Variants in NDUFV2 observed in about 807,000 individuals in gnomAD.
NDUFV2 encodes NADH dehydrogenase [ubiquinone] flavoprotein 2, mitochondrial.
A neutral mutation model predicts 31.6 loss-of-function variants in NDUFV2; 18 were observed. That is an observed-to-expected ratio of 0.57 (90% confidence interval 0.39 to 0.84). NDUFV2 has a LOEUF of 0.84. Ranked by LOEUF, NDUFV2 falls within the 40% of genes least tolerant of loss-of-function variation. The pLI is 0.00. For missense variants in NDUFV2, 314 were observed against 303.6 expected (o/e 1.03, Z -0.26); for synonymous variants, 83 against 99.8 (o/e 0.83, Z 1.01).
At chr18:9,106,908 A>ATTCATCACATAT (rs2077844583) in intron 1 of NDUFV2, among the ~76,000 whole-genome samples, 1 of 61,632 alleles carries the variant, frequency 1.6e-5, no homozygotes, top group Non-Finnish European at 4.4e-5. Flanking sequence ...CATCACTTCG[A>ATTCATCACATAT]CCCTCCTGGC....
chr18:9,131,139 GAAAAT>G lies in NDUFV2; in HGVS notation c.657-3046_657-3042del, dbSNP rs146458048. On this transcript the variant is annotated intron_variant, in intron 7 of 7. Coordinates refer to ENST00000318388, the MANE Select transcript of NDUFV2 (RefSeq NM_021074.5). ...TATTCTTACCATAATCTAGAGAAAA[GAAAAT>G]GTTATTAAAATCATAATGAAAATAT... Among the ~76,000 whole-genome samples the G allele has an allele frequency of 1.4e-3, 220 of 152,210 alleles. 1 individual carries two copies. The highest frequency in any genetic ancestry group is 5.1e-3 in the African/African-American group (210 of 41,522).
intron 7 of NDUFV2, chr18:9,133,345 T>C: frequency 6.6e-6 from 1 of 152,434 alleles, no homozygotes; most frequent in East Asian, 1.9e-4. Context: ...AAGTCTGAGC[T>C]GGGCTCTAGA....
intron 7 of NDUFV2, among the ~76,000 whole-genome samples, chr18:9,127,798 T>A: frequency 6.6e-6 from 1 of 152,236 alleles, no homozygotes; most frequent in Middle Eastern, 3.4e-3. Flanking sequence ...AGATACATAC[T>A]GAGCAGCACA....
chr18:9,117,623 G>T (rs2077905341), intron 1 of NDUFV2: 1 of 498,768 alleles, frequency 2.0e-6, no homozygotes, highest in East Asian at 3.4e-5. Context: ...CTATTGACTC[G>T]TGTGTGTGAT....
chr18:9,132,810 G>T (rs1290794629), intron 7 of NDUFV2, among the ~76,000 whole-genome samples: 2 of 152,210 alleles, frequency 1.3e-5, no homozygotes, highest in Admixed American at 1.3e-4. Context: ...GGGAGGTTAA[G>T]ACTGCAGTGA....
chr18:9,117,816 T>A, intron 1 of NDUFV2, 22 bp from the exon 2 acceptor site: 1 of 1,472,034 alleles, frequency 6.8e-7, no homozygotes, highest in Non-Finnish European at 9.5e-7. Context: ...TTACTAAACT[T>A]TCTTAAAATT....
chr18:9,122,751 A>G, intron 5 of NDUFV2, 70 bp downstream of exon 5: 2 of 1,551,934 alleles, frequency 1.3e-6, no homozygotes, highest in Non-Finnish European at 1.8e-6. Flanking sequence ...GTACATTTCT[A>G]TCTAAAATTT....
At chr18:9,102,984 T>C in intron 1 of NDUFV2, 187 bp downstream of exon 1, 1 of 570,566 alleles carries the variant, frequency 1.8e-6, no homozygotes, top group East Asian at 3.3e-5. Context: ...CGAGGGAGGG[T>C]TGCCATACTG....
chr18:9,110,999 A>G (rs1328976637), intron 1 of NDUFV2, among the ~76,000 whole-genome samples: 2 of 152,226 alleles, frequency 1.3e-5, no homozygotes, highest in Non-Finnish European at 2.9e-5. Context: ...CTCTCTTAAC[A>G]GGAGCATTGT....
intron 1 of NDUFV2, among the ~76,000 whole-genome samples, chr18:9,107,702 A>C (rs1416739767): frequency 6.6e-6 from 1 of 152,240 alleles, no homozygotes; most frequent in African/African-American, 2.4e-5. Flanking sequence ...TGCTAAGGGA[A>C]ATCACTATGT....
intron 1 of NDUFV2, among the ~76,000 whole-genome samples, chr18:9,111,424 GT>G (rs2077869233): frequency 1.3e-5 from 2 of 152,012 alleles, no homozygotes; most frequent in African/African-American, 4.8e-5. Context: ...TTTACATGAA[GT>G]ACATCTTTTT....
At chr18:9,103,892 G>A (rs777010291) in intron 1 of NDUFV2, 42 of 403,512 alleles carry the variant, frequency 1.0e-4, no homozygotes, top group African/African-American at 7.1e-4. Flanking sequence ...CAAGCACCGA[G>A]TTAAATATCT....
In NDUFV2 at chr18:9,110,034, A is replaced by G. The variant is rs180986054; in HGVS notation, c.54+7237A>G. On this transcript the variant is annotated intron_variant, in intron 1 of 7. Coordinates refer to ENST00000318388, the MANE Select transcript of NDUFV2 (RefSeq NM_021074.5). ...AAAAAGGAAGTTACTTGGATTTTCA[A>G]TTGGACTCAATTGGAATTTCTTGAG... Among the ~76,000 whole-genome samples the G allele has an allele frequency of 2.4e-4, 36 of 152,234 alleles. No homozygotes were observed. The East Asian group carries it at 4.3e-3, about 18-fold the overall frequency.
At chr18:9,128,673 A>G (rs2078013473) in intron 7 of NDUFV2, among the ~76,000 whole-genome samples, 1 of 152,142 alleles carries the variant, frequency 6.6e-6, no homozygotes, top group South Asian at 2.1e-4. Context: ...TTAAATAGAC[A>G]CTGTCCCCCC....
At chr18:9,114,644 A>G (rs1004539391) in intron 1 of NDUFV2, among the ~76,000 whole-genome samples, 29 of 152,172 alleles carry the variant, frequency 1.9e-4, no homozygotes, top group African/African-American at 6.8e-4. Context: ...TCTAGGTCAG[A>G]TGTTAGTAAG....
At chr18:9,102,845 C>G (rs776424474) in intron 1 of NDUFV2, 48 bp downstream of exon 1, 3 of 1,522,790 alleles carry the variant, frequency 2.0e-6, no homozygotes, top group East Asian at 5.1e-5. Context: ...CCTTCTCTTG[C>G]TCTCCGTGTC....
intron 1 of NDUFV2, chr18:9,112,603 C>T (rs997685092): frequency 1.3e-5 from 2 of 152,212 alleles, no homozygotes; most frequent in Admixed American, 6.5e-5. Context: ...CCACCTCAGC[C>T]TCCTGAGTAG....
At chr18:9,112,022 T>TTG (rs2077873381) in intron 1 of NDUFV2, among the ~76,000 whole-genome samples, 1 of 149,102 alleles carries the variant, frequency 6.7e-6, no homozygotes, top group Non-Finnish European at 1.5e-5. Context: ...GAAGGGTTTT[T>TTG]TTTTTTTTTT....
intron 7 of NDUFV2, among the ~76,000 whole-genome samples, chr18:9,133,230 G>A (rs2078055926): frequency 6.6e-6 from 1 of 152,350 alleles, no homozygotes; most frequent in East Asian, 1.9e-4. Flanking sequence ...GCCAGAGGGG[G>A]TTGAAAAGAT....
Sources: gnomAD v4.1 joint callset for allele counts (sites outside exome capture counted in the v4.1 genomes callset) on GRCh38, gnomAD v4.1.1 for gene constraint, MANE v1.5 for transcripts, NCBI Gene and HGNC (gene_info 2026-07-23, HGNC 2026-07-21) for gene names.